TULP3: variants seen among roughly 807,000 people sequenced by gnomAD.
The protein encoded by TULP3 is TUB like protein 3.
In TULP3, 38 loss-of-function variants were observed where a neutral mutation model predicts 50.7. That is an observed-to-expected ratio of 0.75 (90% CI 0.58 to 0.98). The LOEUF is 0.98. TULP3 is among the 50% of genes least tolerant of loss of function. The pLI is 0.00. For missense variants in TULP3, 550 were observed against 568.0 expected, an observed-to-expected ratio of 0.97 and a Z score of 0.32; for synonymous variants, 183 against 196.6, an observed-to-expected ratio of 0.93 and a Z score of 0.58.
At chr12:2,934,307 A>G (rs1415300181) in intron 7 of TULP3, 140 bp from the exon 8 acceptor site, 5 of 548,472 alleles carry the variant, frequency 9.1e-6, no homozygotes, top group Non-Finnish European at 1.6e-5. Context: ...TGCTTTAATG[A>G]GATATTTTTG....
chr12:2,909,373 C>T (rs1407525900), intron 1 of TULP3, among the ~76,000 whole-genome samples, 156 bp from the exon 2 acceptor site: 1 of 152,160 alleles, frequency 6.6e-6, no homozygotes, highest in African/African-American at 2.4e-5. Context: ...GGGAAGTCCT[C>T]CTGTAGCCAG....
At chr12:2,930,211 G>T in intron 4 of TULP3, 37 bp from the exon 5 acceptor site, 1 of 1,403,052 alleles carries the variant, frequency 7.1e-7, no homozygotes. Context: ...TTTTTAAACA[G>T]TGTTGGCAGT....
intron 2 of TULP3, among the ~76,000 whole-genome samples, chr12:2,917,658 A>C (rs2098189390): frequency 6.6e-6 from 1 of 151,956 alleles, no homozygotes; most frequent in South Asian, 2.1e-4. Flanking sequence ...CGGGCGGATC[A>C]TGAGGTCAGG....
At chr12:2,930,644 C>T (rs1294647076) in intron 5 of TULP3, among the ~76,000 whole-genome samples, 10 of 152,016 alleles carry the variant, frequency 6.6e-5, no homozygotes, top group African/African-American at 1.9e-4. Flanking sequence ...AGGATGGTCT[C>T]GATCTCCTGA....
At chr12:2,898,485 G>T (rs2098176885) in intron 1 of TULP3, among the ~76,000 whole-genome samples, 2 of 152,022 alleles carry the variant, frequency 1.3e-5, no homozygotes, top group Admixed American at 6.6e-5. Context: ...TTCTGCGAAG[G>T]TCTTAACCAA....
chr12:2,903,891 C>A (rs1234991650), intron 1 of TULP3, among the ~76,000 whole-genome samples: 2 of 152,058 alleles, frequency 1.3e-5, no homozygotes, highest in African/African-American at 4.8e-5. Flanking sequence ...TCAAGCGATT[C>A]TGTAGCCTCA....
At chr12:2,900,185 T>C (rs989807748) in intron 1 of TULP3, among the ~76,000 whole-genome samples, 2 of 152,168 alleles carry the variant, frequency 1.3e-5, no homozygotes, top group African/African-American at 4.8e-5. Context: ...ATCGCGCCAC[T>C]GTACTCCAGC....
chr12:2,937,813 AAG>A, intron 9 of TULP3, 84 bp downstream of exon 9: 1 of 1,176,090 alleles, frequency 8.5e-7, no homozygotes, highest in African/African-American at 1.6e-5. Context: ...AAAAAAAAAA[AAG>A]ATTGAGCTTC....
intron 8 of TULP3, among the ~76,000 whole-genome samples, chr12:2,935,411 A>T (rs1222271544): frequency 6.6e-6 from 1 of 152,218 alleles, no homozygotes; most frequent in Non-Finnish European, 1.5e-5. Context: ...TTCAACATGA[A>T]CCGTTTCCAC....
At chr12:2,907,638 A>G (rs1565499277) in intron 1 of TULP3, among the ~76,000 whole-genome samples, 1 of 138,668 alleles carries the variant, frequency 7.2e-6, no homozygotes, top group Non-Finnish European at 1.5e-5. Context: ...GGAGAGAGAG[A>G]CTCTGTCTCA....
intron 1 of TULP3, among the ~76,000 whole-genome samples, chr12:2,902,596 G>A (rs2098179868): frequency 6.6e-6 from 1 of 152,286 alleles, no homozygotes; most frequent in Non-Finnish European, 1.5e-5. Context: ...CACTTAACAG[G>A]CTGAGAGAAG....
chr12:2,940,317 T>C lies in TULP3; in HGVS notation c.*873T>C. On this transcript the variant is annotated 3_prime_UTR_variant, in exon 11 of 11. Coordinates refer to ENST00000448120, the MANE Select transcript of TULP3 (RefSeq NM_003324.5). ...AGATGGCAGTATTGACCATTTAGTT[T>C]AGTTAAAAAAAAAAAAAAAAAGGTG... The C allele has an allele frequency of 7.0e-7, 1 of 1,423,816 alleles. No homozygotes were observed. Among genetic ancestry groups the C allele is most frequent in the Non-Finnish European group, 9.1e-7 (1 of 1,094,822 alleles). The allele number at this position is 1,423,816 out of a possible 1,614,324, so 88.2% of individuals were successfully genotyped here. A position where few individuals can be genotyped will look rare whatever the true frequency, so the allele number is the denominator to read the frequency against.
rs549326606 is a variant in TULP3, at chr12:2,911,639, A to G, written c.93+2059A>G. ...CTTAGCCTCCCAAAGTGCTGGGATT[A>G]CAGGCGTGAGCCACTGCGCCCAGCC... On this transcript the variant is annotated intron_variant, in intron 2 of 10. Transcript: ENST00000448120. 4.1e-3 allele frequency among the ~76,000 whole-genome samples: 521 copies of G among 127,932 alleles called. 3 individuals are homozygous for G. Among genetic ancestry groups the G allele is most frequent in the Non-Finnish European group, 6.4e-3 (408 of 63,768 alleles). 83.9% of individuals were successfully genotyped at this position (127,932 alleles called of 152,430 possible). A position where few individuals can be genotyped will look rare whatever the true frequency, so the allele number is the denominator to read the frequency against.
At position 2,940,088 on chromosome 12, in the gene TULP3, ATT is replaced by A; in HGVS notation, c.*647_*648del. The A allele has an allele frequency of 7.8e-7, 1 of 1,289,578 alleles. No homozygotes were observed. Among genetic ancestry groups the A allele is most frequent in the Non-Finnish European group, 1.0e-6 (1 of 989,026 alleles). 79.9% of individuals were successfully genotyped at this position (1,289,578 alleles called of 1,614,324 possible). ...CACATTTGTGATCAATTATGTGAGA[ATT>A]TTATATAATTGTCTTCATTTCAATT... On this transcript the variant is annotated 3_prime_UTR_variant, in exon 11 of 11. Coordinates refer to ENST00000448120, the MANE Select transcript of TULP3 (RefSeq NM_003324.5).
intron 7 of TULP3, among the ~76,000 whole-genome samples, 180 bp downstream of exon 7, chr12:2,933,710 A>C (rs1189726708): frequency 6.6e-6 from 1 of 151,778 alleles, no homozygotes; most frequent in Non-Finnish European, 1.5e-5. Flanking sequence ...CAGCACTTTG[A>C]GAGGCCAAGG....
intron 1 of TULP3, among the ~76,000 whole-genome samples, chr12:2,893,571 T>G (rs1157806741): frequency 6.6e-6 from 1 of 151,998 alleles, no homozygotes; most frequent in Non-Finnish European, 1.5e-5. Flanking sequence ...TTCGCCCGCC[T>G]CGGCCTCCCA....
chr12:2,891,112 G>T, intron 1 of TULP3, 124 bp downstream of exon 1: 1 of 1,212,950 alleles, frequency 8.2e-7, no homozygotes, highest in Non-Finnish European at 1.1e-6. Context: ...ACTCAGGGAG[G>T]GACTGGTTTC....
intron 4 of TULP3, among the ~76,000 whole-genome samples, chr12:2,926,595 C>T (rs1318350115): frequency 6.6e-6 from 1 of 152,126 alleles, no homozygotes; most frequent in Non-Finnish European, 1.5e-5. Context: ...AGACCATACT[C>T]CTCATCCATT....
intron 2 of TULP3, among the ~76,000 whole-genome samples, chr12:2,915,519 G>A (rs954308535): frequency 6.8e-6 from 1 of 147,212 alleles, no homozygotes; most frequent in Admixed American, 7.1e-5. Flanking sequence ...TTGTGGGCGG[G>A]GAGATTAAGT....
Sources: gnomAD v4.1 joint callset for allele counts (sites outside exome capture counted in the v4.1 genomes callset) on GRCh38, gnomAD v4.1.1 for gene constraint, MANE v1.5 for transcripts, NCBI Gene and HGNC (gene_info 2026-07-23, HGNC 2026-07-21) for gene names.